MZT2A: variants seen among roughly 807,000 people sequenced by gnomAD.
MZT2A encodes mitotic spindle organizing protein 2A, also known as mitotic-spindle organizing protein 2A.
Under a neutral mutation model 12.4 loss-of-function variants are expected in MZT2A, and 8 were observed. The ratio of observed to expected loss-of-function variants is 0.64; its 90% confidence interval spans 0.38 to 1.16. MZT2A has a LOEUF of 1.16. Ranked by LOEUF, MZT2A falls within the 50% of genes most tolerant of loss-of-function variation. The pLI, the probability that MZT2A is intolerant of heterozygous loss-of-function variation, is 0.01. For synonymous variants in MZT2A, 88 were observed against 107.5 expected (o/e 0.82, Z 1.12); for missense variants, 181 against 223.6 (o/e 0.81, Z 1.22).
rs771311996 is a variant in MZT2A, at chr2:131,472,102, C to T, written c.361G>A (p.Ala121Thr). 1.7e-5 allele frequency: 22 copies of T among 1,290,454 alleles called. No individual in the cohort carries two copies. The Admixed American group carries it at 2.1e-4, about 12-fold the overall frequency. 79.9% of individuals were successfully genotyped at this position (1,290,454 alleles called of 1,614,324 possible). ...GTCCTCCTTCTCCTGCCACACCATG[C>T]GGTGCTGCTTCTCTGGCCCCCGTAG... Residue 121 changes from alanine to threonine, a missense_variant and NMD_transcript_variant, in exon 3 of 5, where the codon GCA becomes ACA. Physicochemically the swap from Ala to Thr is moderately conservative, Grantham distance 58 (BLOSUM62 0). Coordinates refer to the MZT2A transcript ENST00000427024.
At position 131,492,324 on chromosome 2, in the gene MZT2A, A is replaced by T. The variant is rs987212758; in HGVS notation, c.53T>A (p.Leu18Gln). Residue 18 changes from leucine to glutamine, a missense_variant, in exon 1 of 3, where the codon CTG (leucine) becomes CAG (glutamine). Coordinates refer to ENST00000309451, the MANE Select transcript of MZT2A (RefSeq NM_001085365.2). ...CGCCAGCTTCTGCCGGGCCGCCTCCAGCCCCGGGGGCGCCGCCGACCCCGG... is the reference window on the plus strand; with the variant it reads ...CGCCAGCTTCTGCCGGGCCGCCTCCTGCCCCGGGGGCGCCGCCGACCCCGG... ...PGPGSAAPPG[L>Q]EAARQKLALR... 5.9e-6 allele frequency: 9 copies of T among 1,518,668 alleles called. No individual in the cohort carries two copies. Among genetic ancestry groups the T allele is most frequent in the Non-Finnish European group, 7.9e-6 (9 of 1,141,492 alleles). 94.1% of individuals were successfully genotyped at this position (1,518,668 alleles called of 1,614,324 possible).
At chr2:131,492,463 T>C, upstream of MZT2A, 5 of 1,166,920 alleles carry the variant, frequency 4.3e-6, no homozygotes, top group Non-Finnish European at 5.3e-6. Flanking sequence ...CGCCAGCGTC[T>C]GGCCTCCCGG....
intron 2 of MZT2A, 140 bp downstream of exon 2, chr2:131,491,736 T>C: frequency 1.8e-6 from 2 of 1,128,684 alleles, no homozygotes; most frequent in Non-Finnish European, 2.4e-6. Context: ...AGCCCACGGA[T>C]GGGCCCTGCA....
intron 2 of MZT2A, among the ~76,000 whole-genome samples, chr2:131,477,107 G>A (rs1192762817): frequency 1.3e-5 from 2 of 150,942 alleles, no homozygotes; most frequent in African/African-American, 2.4e-5. Flanking sequence ...GCAGGATCAC[G>A]GCTCCCTGCA....
chr2:131,478,143 C>T, intron 2 of MZT2A: 16 of 1,605,034 alleles, frequency 1.0e-5, no homozygotes, highest in Non-Finnish European at 1.4e-5. Flanking sequence ...AATGGGTTCA[C>T]TTTTATGTTC....
intron 2 of MZT2A, among the ~76,000 whole-genome samples, chr2:131,475,052 C>T (rs1678611921): frequency 6.6e-6 from 1 of 152,106 alleles, no homozygotes; most frequent in East Asian, 1.9e-4. Flanking sequence ...CCTCTGCCTC[C>T]CAGGTTCAAG....
exon 4 of MZT2A, chr2:131,470,276 T>G (rs1704954506): frequency 4.8e-6 from 5 of 1,047,144 alleles, no homozygotes; most frequent in South Asian, 4.0e-5. Flanking sequence ...GGCCAGCTTT[T>G]GCTGCTGATG....
chr2:131,480,866 G>A, downstream of MZT2A: 1 of 1,418,972 alleles, frequency 7.0e-7, no homozygotes, highest in South Asian at 1.4e-5. Flanking sequence ...TAGGCATGTG[G>A]GCATAAATTA....
chr2:131,475,009 T>C (rs1678610356), intron 2 of MZT2A, among the ~76,000 whole-genome samples: 2 of 152,104 alleles, frequency 1.3e-5, no homozygotes, highest in Non-Finnish European at 2.9e-5. Context: ...CGCCCAGGCT[T>C]GAGTGCAGTG....
At chr2:131,493,016 G>A (rs1339748283), upstream of MZT2A, 6 of 1,492,342 alleles carry the variant, frequency 4.0e-6, no homozygotes, top group East Asian at 7.5e-5. Context: ...GCCCAAAGAG[G>A]TAGAAGCGCT....
At chr2:131,485,180 G>A (rs6725253) in intron 2 of MZT2A, among the ~76,000 whole-genome samples, 2,230 of 152,252 alleles carry the variant, frequency 0.015, 39 homozygotes, top group Middle Eastern at 0.041. Context: ...CAGGGCGTGT[G>A]TCCCCTGCCT....
At chr2:131,478,792 T>C (rs546262618) in intron 2 of MZT2A, 22 of 225,200 alleles carry the variant, frequency 9.8e-5, no homozygotes, top group Middle Eastern at 1.8e-3. Context: ...AGTCATTTGC[T>C]TCCTTCAGAT....
chr2:131,482,578 A>G (rs774855162), downstream of MZT2A: 207 of 1,610,888 alleles, frequency 1.3e-4, no homozygotes, highest in Non-Finnish European at 1.7e-4. Context: ...AGCCCCCCAC[A>G]GTGGTCCCCG....
chr2:131,481,435 A>ATTTTTT (rs70994779), downstream of MZT2A, among the ~76,000 whole-genome samples: 5 of 129,256 alleles, frequency 3.9e-5, no homozygotes, highest in African/African-American at 1.5e-4. Context: ...TGCCCGGGTA[A>ATTTTTT]TTTTTTTTTT....
At chr2:131,476,135 C>G in intron 2 of MZT2A, 1 of 1,612,576 alleles carries the variant, frequency 6.2e-7, no homozygotes. Flanking sequence ...CAGTTGGGCG[C>G]TCAGCAGCTG....
At chr2:131,492,922 C>G (rs1380921057), upstream of MZT2A, 8 of 1,520,704 alleles carry the variant, frequency 5.3e-6, no homozygotes, top group Admixed American at 1.6e-4. Flanking sequence ...CACTCCCTCC[C>G]CCCGCACTCC....
chr2:131,493,208 G>A, upstream of MZT2A: 1 of 1,377,130 alleles, frequency 7.3e-7, no homozygotes, highest in Non-Finnish European at 9.4e-7. Context: ...CCCCTGCGGA[G>A]GCCATCTCCG....
upstream of MZT2A, chr2:131,492,532 G>A (rs1424578857): frequency 5.4e-5 from 60 of 1,121,294 alleles, no homozygotes; most frequent in South Asian, 2.8e-4. Flanking sequence ...GGCGTCATTG[G>A]AGCCCAACAG....
Position 131,484,237 on chromosome 2 carries a change from CA to C in MZT2A, c.320-20del, listed in dbSNP as rs1678963909. 2.5e-6 allele frequency: 4 copies of C among 1,611,890 alleles called. No individual in the cohort carries two copies. Among genetic ancestry groups the C allele is most frequent in the African/African-American group, 1.3e-5 (1 of 74,986 alleles). ...TCTCTCCCTAAGGAGACACAAAGCA[CA>C]ATGATTAGGAATGGACGCGCCCCAT... is the stretch of plus-strand genomic sequence containing the variant. On this transcript the variant is annotated intron_variant, in intron 2 of 2. Coordinates refer to ENST00000309451, the MANE Select transcript of MZT2A (RefSeq NM_001085365.2).
Sources: allele counts gnomAD v4.1 joint callset (sites outside exome capture counted in the v4.1 genomes callset), GRCh38; gene constraint gnomAD v4.1.1; transcripts MANE v1.5; gene names NCBI Gene and HGNC (gene_info 2026-07-23, HGNC 2026-07-21).